The following ANK3 variants were observed in gnomAD, a reference collection of about 807,000 sequenced individuals.
ANK3 encodes the protein ankyrin 3.
Under a neutral mutation model 370.9 loss-of-function variants are expected in ANK3, and 57 were observed. That is an observed-to-expected ratio of 0.15 (90% CI 0.12 to 0.19). The LOEUF is 0.19. ANK3 is among the 10% of genes least tolerant of loss of function. ANK3 has a pLI of 1.00. For missense variants in ANK3, 4,439 were observed against 5,302.1 expected (o/e 0.84, Z 5.06); for synonymous variants, 1,929 against 1,946.3 (o/e 0.99, Z 0.23).
intron 17 of ANK3, among the ~76,000 whole-genome samples, chr10:60,183,703 A>T (rs2096257324): frequency 6.6e-6 from 1 of 152,098 alleles, no homozygotes; most frequent in Non-Finnish European, 1.5e-5. Context: ...TACTAAAAAT[A>T]CAAAATTAGC....
At chr10:60,643,537 T>TATCTATCTA (rs1249444579) in intron 1 of ANK3, among the ~76,000 whole-genome samples, 2 of 136,192 alleles carry the variant, frequency 1.5e-5, no homozygotes, top group African/African-American at 5.5e-5. Flanking sequence ...TCTATCTATC[T>TATCTATCTA]ATCTATCCAT....
At chr10:60,256,132 T>G (rs368369431) in intron 7 of ANK3, among the ~76,000 whole-genome samples, 4 of 152,194 alleles carry the variant, frequency 2.6e-5, no homozygotes, top group African/African-American at 9.6e-5. Context: ...AATTCCTGAG[T>G]TTTTAGAAAA....
At chr10:60,468,758 C>T (rs2065068663) in intron 2 of ANK3, among the ~76,000 whole-genome samples, 1 of 151,708 alleles carries the variant, frequency 6.6e-6, no homozygotes, top group Non-Finnish European at 1.5e-5. Flanking sequence ...AGAACTTCAG[C>T]ATAATATATT....
rs181481483 is a variant in ANK3 at position 60,083,495 on chromosome 10, G to T, written c.4197C>A (p.Ile1399=). The T allele has an allele frequency of 1.4e-5, 22 of 1,609,814 alleles. No individual in the cohort carries two copies. The Admixed American group carries it at 3.7e-4, about 27-fold the overall frequency. Residue 1399 remains isoleucine, a synonymous_variant, in exon 33 of 44, where the codon ATC becomes ATA. Coordinates refer to ENST00000280772, the MANE Select transcript of ANK3 (RefSeq NM_020987.5). ...TTCTCTGTTAAAGATGATTTACCTTGATGGAAAATGGCAGTCTATTTTCTT... is the reference window on the plus strand; with the variant it reads ...TTCTCTGTTAAAGATGATTTACCTTTATGGAAAATGGCAGTCTATTTTCTT... The part of the protein sequence containing the change: ...SFKENRLPFS[I]KIRDTSQEPC...
At chr10:60,722,701 G>T (rs2132026521) in intron 1 of ANK3, among the ~76,000 whole-genome samples, 1 of 152,310 alleles carries the variant, frequency 6.6e-6, no homozygotes, top group East Asian at 1.9e-4. Flanking sequence ...CATGGGGGCA[G>T]ATCCCTCATG....
chr10:60,461,684 A>G (rs1009159628), intron 2 of ANK3, among the ~76,000 whole-genome samples: 16 of 152,200 alleles, frequency 1.1e-4, no homozygotes, highest in African/African-American at 3.1e-4. Context: ...ACAAGACAAT[A>G]TAACTATTAT....
chr10:60,443,473 T>C (rs914323185), intron 2 of ANK3, among the ~76,000 whole-genome samples: 19 of 152,162 alleles, frequency 1.2e-4, no homozygotes, highest in Non-Finnish European at 2.4e-4. Flanking sequence ...TGCACCACTC[T>C]GGCACAAAAA....
chr10:60,030,526 C>T (rs1454906710), intron 43 of ANK3, among the ~76,000 whole-genome samples: 1 of 152,094 alleles, frequency 6.6e-6, no homozygotes, highest in Non-Finnish European at 1.5e-5. Context: ...TGTGAGCATG[C>T]CCAGATGAAC....
chr10:60,085,678 C>G (rs1199617630), intron 30 of ANK3, among the ~76,000 whole-genome samples: 1 of 139,746 alleles, frequency 7.2e-6, no homozygotes, highest in Non-Finnish European at 1.5e-5. Context: ...TGCAATGGTG[C>G]GATCTCGGCT....
chr10:60,498,198 A>G (rs1430467863), intron 2 of ANK3, among the ~76,000 whole-genome samples: 2 of 152,168 alleles, frequency 1.3e-5, no homozygotes, highest in Non-Finnish European at 2.9e-5. Flanking sequence ...TGTTCTTCAC[A>G]TTCTCTTGAT....
chr10:60,660,911 T>TACACACAC lies in ANK3; in HGVS notation c.58-45688_58-45687insGTGTGTGT, dbSNP rs779739373. ...GGAGCAAACCTCTCAGAGTTTTAAA[T>TACACACAC]ACACACTCACACACACACACACACC... On this transcript the variant is annotated intron_variant, in intron 1 of 43. Coordinates refer to the ANK3 transcript ENST00000373827. 8.7e-3 allele frequency among the ~76,000 whole-genome samples: 1,286 copies of TACACACAC among 148,222 alleles called. 16 individuals are homozygous for TACACACAC. Among genetic ancestry groups the TACACACAC allele is most frequent in the African/African-American group, 0.031 (1,216 of 39,306 alleles).
In ANK3 at chr10:60,579,349, A is replaced by T. The variant is rs939197982; in HGVS notation, c.96+35837T>A. Among the ~76,000 whole-genome samples, 585 of 147,522 alleles carry T rather than the reference A, an allele frequency of 4.0e-3. 8 individuals carry two copies. The highest frequency in any genetic ancestry group is 0.014 in the African/African-American group (554 of 40,788). ...AATAAAAAAAAAAAAAAAAAAAAAA[A>T]AGATATTTCTAGTTGCAAAATAAAT... On this transcript the variant is annotated intron_variant, in intron 2 of 43. Coordinates refer to the ANK3 transcript ENST00000373827.
At chr10:60,568,553 G>T (rs979144089) in intron 2 of ANK3, among the ~76,000 whole-genome samples, 1 of 152,172 alleles carries the variant, frequency 6.6e-6, no homozygotes, top group Non-Finnish European at 1.5e-5. Flanking sequence ...TATCTGTGAG[G>T]TATGCCTGTA....
intron 1 of ANK3, among the ~76,000 whole-genome samples, chr10:60,618,013 A>T (rs2078287334): frequency 6.6e-6 from 1 of 152,190 alleles, no homozygotes; most frequent in Non-Finnish European, 1.5e-5. Context: ...GGTAGTCTTT[A>T]TAACATTGTG....
At position 60,643,751 on chromosome 10, in the gene ANK3, G is replaced by T. The variant is rs150005605; in HGVS notation, c.58-28527C>A. ...AGTGGTTAATCCACAAATGGAACAT[G>T]ACTCAAGCAGAGCCCATCAGGTTTC... is the stretch of plus-strand genomic sequence containing the variant. On this transcript the variant is annotated intron_variant, in intron 1 of 43. Transcript: ENST00000373827. Among the ~76,000 whole-genome samples, 1,494 of 152,172 alleles carry T rather than the reference G, an allele frequency of 9.8e-3. 13 individuals carry two copies. Among genetic ancestry groups the T allele is most frequent in the Middle Eastern group, 0.037 (11 of 294 alleles).
chr10:60,642,482 G>C (rs984388575), intron 1 of ANK3, among the ~76,000 whole-genome samples: 3 of 152,202 alleles, frequency 2.0e-5, no homozygotes, highest in Non-Finnish European at 2.9e-5. Flanking sequence ...GTCCTTTGTA[G>C]GGACATGGAT....
chr10:60,721,124 A>C (rs1170039059), intron 1 of ANK3, among the ~76,000 whole-genome samples: 1 of 152,214 alleles, frequency 6.6e-6, no homozygotes, highest in East Asian at 1.9e-4. Flanking sequence ...AACAGTAATT[A>C]AATAGTTCCA....
At position 60,461,041 on chromosome 10, in the gene ANK3, C is replaced by T. The variant is rs1595075911; in HGVS notation, c.96+154145G>A. On this transcript the variant is annotated intron_variant, in intron 2 of 43. Transcript: ENST00000373827. ...AGGGATGCAATTTAAGCACAGGTCA[C>T]AAAACTCAAAATGCATGTTCATTTT... Among the ~76,000 whole-genome samples, 10 of 152,152 alleles carry T rather than the reference C, an allele frequency of 6.6e-5. No individual in the cohort carries two copies. In the South Asian group the frequency reaches 2.1e-3, roughly 31 times the overall value.
intron 1 of ANK3, among the ~76,000 whole-genome samples, chr10:60,644,372 T>C (rs2078679103): frequency 1.3e-5 from 2 of 152,194 alleles, no homozygotes; most frequent in Admixed American, 1.3e-4. Context: ...TCAAGTAGCA[T>C]GAAAAAGGAA....
Sources: allele counts gnomAD v4.1 joint callset (sites outside exome capture counted in the v4.1 genomes callset), GRCh38; gene constraint gnomAD v4.1.1; transcripts MANE v1.5; gene names NCBI Gene and HGNC (gene_info 2026-07-23, HGNC 2026-07-21).